Variants in CAST observed in about 807,000 individuals in gnomAD.
CAST encodes MIR583 host.
A neutral mutation model predicts 119.6 loss-of-function variants in CAST; 76 were observed. The ratio of observed to expected loss-of-function variants is 0.64; its 90% CI spans 0.53 to 0.77. The LOEUF (loss-of-function observed/expected upper bound fraction) is 0.77. CAST is among the 30% of genes least tolerant of loss of function. The pLI, the probability that CAST is intolerant of heterozygous loss-of-function variation, is 0.00. For synonymous variants in CAST, 319 were observed against 331.6 expected, an observed-to-expected ratio of 0.96 and a Z score of 0.41; for missense variants, 953 against 946.5, an observed-to-expected ratio of 1.01 and a Z score of -0.09.
At chr5:96,067,392 T>G in the CAST span, among the ~76,000 whole-genome samples, 1 of 152,184 alleles carries the variant, frequency 6.6e-6, no homozygotes, top group Non-Finnish European at 1.5e-5. Context: ...TCTAAATAAT[T>G]ACCAGGGCCC....
the CAST span, among the ~76,000 whole-genome samples, chr5:96,048,980 G>A: frequency 3.3e-5 from 5 of 152,192 alleles, no homozygotes; most frequent in East Asian, 9.6e-4. Context: ...GAGCCAGGGT[G>A]AGTGAGAGGG....
intron 1 of CAST, among the ~76,000 whole-genome samples, chr5:96,617,223 C>G (rs1222009957): frequency 2.0e-5 from 3 of 151,662 alleles, no homozygotes; most frequent in Non-Finnish European, 4.4e-5. Flanking sequence ...AGACTCTTGC[C>G]CTATAAAAGA....
chr5:96,728,614 C>T (rs1438225895), intron 6 of CAST: 3 of 152,434 alleles, frequency 2.0e-5, no homozygotes, highest in African/African-American at 7.2e-5. Context: ...GTAGCTGGGA[C>T]TACAGGCACC....
chr5:96,558,221 T>C (rs1279726799), intron 1 of CAST, among the ~76,000 whole-genome samples: 1 of 151,700 alleles, frequency 6.6e-6, no homozygotes, highest in Non-Finnish European at 1.5e-5. Flanking sequence ...TAGAGGGAAA[T>C]TTATAGCACT....
At chr5:95,990,089 G>T in the CAST span, among the ~76,000 whole-genome samples, 2 of 151,966 alleles carry the variant, frequency 1.3e-5, no homozygotes, top group Non-Finnish European at 2.9e-5. Flanking sequence ...AGATTCTAGA[G>T]CATTCATGTT....
At chr5:96,424,069 A>AGT in the CAST span, among the ~76,000 whole-genome samples, 10 of 152,292 alleles carry the variant, frequency 6.6e-5, 1 homozygote, top group East Asian at 1.9e-3. Flanking sequence ...TGATAGTCAG[A>AGT]GTGTGGGACT....
the CAST span, among the ~76,000 whole-genome samples, chr5:96,436,439 G>A: frequency 4.1e-5 from 6 of 146,832 alleles, no homozygotes; most frequent in Non-Finnish European, 9.2e-5. Context: ...ATCTGAATAT[G>A]CTTTCACCAA....
chr5:96,487,694 C>G, the CAST span, among the ~76,000 whole-genome samples: 1 of 152,200 alleles, frequency 6.6e-6, no homozygotes, highest in Non-Finnish European at 1.5e-5. Flanking sequence ...TTAATTTGAA[C>G]CTTCTTTAAG....
At chr5:96,358,424 G>A in the CAST span, among the ~76,000 whole-genome samples, 1 of 152,056 alleles carries the variant, frequency 6.6e-6, no homozygotes, top group Non-Finnish European at 1.5e-5. Context: ...TGTGATGTTA[G>A]GTTGTTGATT....
chr5:96,392,625 CT>C, the CAST span: 4 of 220,598 alleles, frequency 1.8e-5, no homozygotes, highest in Non-Finnish European at 2.7e-5. Context: ...CCTTCTCATT[CT>C]TTGCAGATTA....
the CAST span, chr5:95,965,281 C>T: frequency 6.6e-6 from 1 of 152,042 alleles, no homozygotes; most frequent in South Asian, 2.1e-4. Context: ...ATGTAAATCT[C>T]CTAATATTTA....
At chr5:96,446,427 G>A in the CAST span, among the ~76,000 whole-genome samples, 1 of 152,132 alleles carries the variant, frequency 6.6e-6, no homozygotes, top group Non-Finnish European at 1.5e-5. Flanking sequence ...AGAAAGGAGG[G>A]ACTGGACAGC....
the CAST span, among the ~76,000 whole-genome samples, chr5:96,287,826 C>T: frequency 6.6e-6 from 1 of 151,776 alleles, no homozygotes; most frequent in East Asian, 1.9e-4. Flanking sequence ...TGTCTCATGA[C>T]AGAGCAAGAC....
chr5:96,238,821 A>C, the CAST span, among the ~76,000 whole-genome samples: 3 of 152,320 alleles, frequency 2.0e-5, no homozygotes, highest in South Asian at 6.2e-4. Flanking sequence ...TATCTTTACT[A>C]TATAATGAGA....
At chr5:96,474,269 C>G in the CAST span, among the ~76,000 whole-genome samples, 1 of 152,142 alleles carries the variant, frequency 6.6e-6, no homozygotes, top group African/African-American at 2.4e-5. Flanking sequence ...GTTGCCACCA[C>G]AGCTAAGCAC....
the CAST span, among the ~76,000 whole-genome samples, chr5:96,139,711 C>T: frequency 3.3e-5 from 5 of 151,534 alleles, no homozygotes; most frequent in East Asian, 1.9e-4. Context: ...TCCATTTATG[C>T]GACTATTTTC....
chr5:96,602,613 G>C (rs985249989), intron 1 of CAST, among the ~76,000 whole-genome samples: 6 of 152,110 alleles, frequency 3.9e-5, no homozygotes, highest in African/African-American at 1.2e-4. Context: ...ATCTAGGCGT[G>C]GTGGTGCATG....
At chr5:96,615,586 C>T (rs1580846482) in intron 1 of CAST, among the ~76,000 whole-genome samples, 1 of 152,196 alleles carries the variant, frequency 6.6e-6, no homozygotes, top group Admixed American at 6.5e-5. Context: ...ACCTGCTCCA[C>T]CACGCCAGGC....
intron 18 of CAST, 50 bp from the exon 19 acceptor site, chr5:96,748,468 C>CAAAAAA: frequency 1.1e-6 from 1 of 901,130 alleles, no homozygotes; most frequent in Non-Finnish European, 1.7e-6. Flanking sequence ...TTTTTTTTTA[C>CAAAAAA]AAAATAAAAA....
Sources: gnomAD v4.1 joint callset for allele counts (sites outside exome capture counted in the v4.1 genomes callset) on GRCh38, gnomAD v4.1.1 for gene constraint, MANE v1.5 for transcripts, NCBI Gene and HGNC (gene_info 2026-07-23, HGNC 2026-07-21) for gene names.